The following APBA2 variants were observed in gnomAD, a reference collection of about 807,000 sequenced individuals.
APBA2 encodes the protein amyloid beta precursor protein binding family A member 2, also known as amyloid-beta A4 precursor protein-binding family A member 2.
In APBA2, 30 loss-of-function variants were observed where a neutral mutation model predicts 75.0. The observed-to-expected ratio is 0.40, with a 90% confidence interval of 0.30 to 0.54. The LOEUF is 0.54. Ranked by LOEUF, APBA2 falls within the 20% of genes least tolerant of loss-of-function variation. The pLI is 0.49. For missense variants in APBA2, 801 were observed against 1,016.1 expected (o/e 0.79, Z 2.88); for synonymous variants, 444 against 409.6 (o/e 1.08, Z -1.01).
At chr15:29,020,731 A>G (rs1276947964) in intron 3 of APBA2, among the ~76,000 whole-genome samples, 2 of 151,820 alleles carry the variant, frequency 1.3e-5, no homozygotes, top group Non-Finnish European at 2.9e-5. Context: ...AATTGCTTGA[A>G]CCCGGGAGGC....
chr15:29,079,863 A>G (rs2043011724), intron 6 of APBA2, among the ~76,000 whole-genome samples: 1 of 152,068 alleles, frequency 6.6e-6, no homozygotes, highest in African/African-American at 2.4e-5. Context: ...TACCGTCTGA[A>G]CCCTCGTTGG....
chr15:28,909,266 A>G (rs189962209), intron 1 of APBA2, among the ~76,000 whole-genome samples: 2 of 152,158 alleles, frequency 1.3e-5, no homozygotes, highest in African/African-American at 2.4e-5. Context: ...CTGGGATTAC[A>G]GGCTTGAGCC....
chr15:29,097,099 C>T (rs531058349), intron 8 of APBA2, among the ~76,000 whole-genome samples: 173 of 152,354 alleles, frequency 1.1e-3, no homozygotes, highest in African/African-American at 3.9e-3. Context: ...CTTAGGCCAG[C>T]CCCAGGGCTC....
At chr15:29,106,963 T>G (rs926543024) in intron 12 of APBA2, 144 bp downstream of exon 12, 3 of 734,920 alleles carry the variant, frequency 4.1e-6, no homozygotes, top group Non-Finnish European at 6.9e-6. Context: ...CGGTGACTGG[T>G]CGATGATGGT....
chr15:28,922,593 G>A (rs1474806646), intron 2 of APBA2, among the ~76,000 whole-genome samples: 2 of 152,132 alleles, frequency 1.3e-5, no homozygotes, highest in African/African-American at 4.8e-5. Flanking sequence ...GTCCTTTAGT[G>A]GGCCGTCTGA....
chr15:28,976,316 C>A (rs531205401), intron 2 of APBA2, among the ~76,000 whole-genome samples: 2 of 152,160 alleles, frequency 1.3e-5, no homozygotes, highest in Non-Finnish European at 2.9e-5. Flanking sequence ...CAATCTTCAT[C>A]CTTTAATTTC....
intron 4 of APBA2, among the ~76,000 whole-genome samples, chr15:29,055,516 C>CA (rs1328940654): frequency 2.0e-5 from 3 of 151,930 alleles, no homozygotes; most frequent in African/African-American, 7.3e-5. Context: ...AGCCACCTTC[C>CA]AAAAAAAGCC....
chr15:29,076,305 A>G (rs2042848841), intron 6 of APBA2, among the ~76,000 whole-genome samples: 1 of 152,206 alleles, frequency 6.6e-6, no homozygotes, highest in Non-Finnish European at 1.5e-5. Flanking sequence ...TGCAAGGAAC[A>G]GTAGACGATC....
At chr15:28,913,892 C>G (rs1713008860) in intron 1 of APBA2, among the ~76,000 whole-genome samples, 1 of 152,134 alleles carries the variant, frequency 6.6e-6, no homozygotes, top group Admixed American at 6.5e-5. Flanking sequence ...AGCTTCGGCC[C>G]CTCCCTAGAG....
chr15:29,021,759 C>G (rs189069887), intron 3 of APBA2, among the ~76,000 whole-genome samples: 1 of 152,140 alleles, frequency 6.6e-6, no homozygotes, highest in Non-Finnish European at 1.5e-5. Context: ...TTACTCAGCT[C>G]GGACAGCTGA....
At chr15:29,083,508 G>T (rs2043166498) in intron 6 of APBA2, among the ~76,000 whole-genome samples, 1 of 151,924 alleles carries the variant, frequency 6.6e-6, no homozygotes, top group Non-Finnish European at 1.5e-5. Flanking sequence ...AGCTTGTCTG[G>T]TTATTCACTG....
chr15:29,019,500 A>G (rs1340186764), intron 3 of APBA2, among the ~76,000 whole-genome samples: 1 of 152,204 alleles, frequency 6.6e-6, no homozygotes, highest in East Asian at 1.9e-4. Context: ...CTCTGTGGTT[A>G]GTGTGTTTTC....
chr15:29,097,321 A>C (rs1567006369), intron 8 of APBA2, among the ~76,000 whole-genome samples: 2 of 152,270 alleles, frequency 1.3e-5, no homozygotes, highest in Non-Finnish European at 2.9e-5. Context: ...GGCTGTGGCG[A>C]CAGACCCAGG....
chr15:28,903,678 A>T (rs766066985), intron 1 of APBA2, among the ~76,000 whole-genome samples: 1 of 152,174 alleles, frequency 6.6e-6, no homozygotes, highest in Non-Finnish European at 1.5e-5. Context: ...CTGGGACCCC[A>T]CTGCCTCCCT....
At chr15:29,056,599 TCCC>T (rs1301596489) in intron 4 of APBA2, among the ~76,000 whole-genome samples, 27 of 3,278 alleles carry the variant, frequency 8.2e-3, no homozygotes, top group Non-Finnish European at 0.019. Flanking sequence ...CCTCCCTCCC[TCCC>T]TCCCTCCCTC....
chr15:29,006,850 G>C (rs1266093777), intron 3 of APBA2, among the ~76,000 whole-genome samples: 1 of 152,214 alleles, frequency 6.6e-6, no homozygotes, highest in African/African-American at 2.4e-5. Flanking sequence ...GCAATCTACA[G>C]ATTCATTGCA....
intron 1 of APBA2, among the ~76,000 whole-genome samples, chr15:28,910,227 A>G (rs1286434489): frequency 6.6e-6 from 1 of 152,134 alleles, no homozygotes; most frequent in Non-Finnish European, 1.5e-5. Flanking sequence ...TTTTAGGGCC[A>G]TGTACAGCAA....
chr15:29,025,190 G>T (rs889025222), intron 3 of APBA2, among the ~76,000 whole-genome samples: 2 of 151,580 alleles, frequency 1.3e-5, no homozygotes, highest in Non-Finnish European at 2.9e-5. Context: ...CTGAACTTCT[G>T]TTAACCTCAA....
intron 2 of APBA2, among the ~76,000 whole-genome samples, chr15:28,943,735 TCCTC>T (rs1193322915): frequency 6.9e-6 from 1 of 144,880 alleles, no homozygotes; most frequent in African/African-American, 2.7e-5. Flanking sequence ...TGGCCCCGGC[TCCTC>T]CAGCCCTGGC....
Sources: gnomAD v4.1 joint callset for allele counts (sites outside exome capture counted in the v4.1 genomes callset) on GRCh38, gnomAD v4.1.1 for gene constraint, MANE v1.5 for transcripts, NCBI Gene and HGNC (gene_info 2026-07-23, HGNC 2026-07-21) for gene names.